PRIM2: variants seen among roughly 807,000 people sequenced by gnomAD.
PRIM2 encodes the protein DNA primase subunit 2.
PRIM2 carries 39 observed loss-of-function variants against 67.3 expected under a neutral mutation model. The observed-to-expected ratio is 0.58, with a 90% CI of 0.45 to 0.76. PRIM2 has a LOEUF of 0.76. PRIM2 is among the 30% of genes least tolerant of loss of function. The probability of loss-of-function intolerance (pLI) is 0.00; values close to 1 mark genes in which losing one functional copy is unlikely to be tolerated. For missense variants in PRIM2, 398 were observed against 598.7 expected (o/e 0.66, Z 3.50); for synonymous variants, 143 against 198.7 (o/e 0.72, Z 2.36).
rs1554347080 is a variant in PRIM2 at position 57,503,685 on chromosome 6, G to A, written c.694-3702G>A. On this transcript the variant is annotated intron_variant, in intron 7 of 13. Coordinates refer to ENST00000615550, the MANE Select transcript of PRIM2 (RefSeq NM_000947.5). Reference sequence around the variant, plus strand: ...AATTGCTTGAATGCGGGAGGCGGAGGTTGGAGGTTGCAGTGGGCCAAGATC... The same window carrying A: ...AATTGCTTGAATGCGGGAGGCGGAGATTGGAGGTTGCAGTGGGCCAAGATC... Among the ~76,000 whole-genome samples the A allele has an allele frequency of 9.4e-3, 1,433 of 152,102 alleles. 10 individuals carry two copies. Among genetic ancestry groups the A allele is most frequent in the Middle Eastern group, 0.037 (11 of 294 alleles).
chr6:57,387,289 A>C (rs1464322157), intron 7 of PRIM2, among the ~76,000 whole-genome samples: 1 of 152,178 alleles, frequency 6.6e-6, no homozygotes, highest in East Asian at 1.9e-4. Flanking sequence ...GTAAAATTTT[A>C]TTGAACTGAC....
chr6:57,482,795 C>A (rs1477840495), intron 7 of PRIM2, among the ~76,000 whole-genome samples: 1 of 152,090 alleles, frequency 6.6e-6, no homozygotes, highest in East Asian at 1.9e-4. Context: ...GATTAAATAC[C>A]TATTTTATAG....
chr6:57,297,395 T>C, the PRIM2 span, among the ~76,000 whole-genome samples: 1 of 152,030 alleles, frequency 6.6e-6, no homozygotes, highest in Non-Finnish European at 1.5e-5. Flanking sequence ...TGAGCCGAGA[T>C]CAAGATTGTG....
chr6:57,262,317 G>A, the PRIM2 span, among the ~76,000 whole-genome samples: 1 of 152,124 alleles, frequency 6.6e-6, no homozygotes, highest in Non-Finnish European at 1.5e-5. Flanking sequence ...TCATCTGCCA[G>A]TTGTCTTTTT....
At chr6:57,457,271 G>T (rs1474496339) in intron 7 of PRIM2, among the ~76,000 whole-genome samples, 2 of 152,224 alleles carry the variant, frequency 1.3e-5, no homozygotes, top group Non-Finnish European at 2.9e-5. Context: ...TCTGTTCTCA[G>T]ATCTCCAGCT....
At chr6:57,233,800 G>A in the PRIM2 span, among the ~76,000 whole-genome samples, 1 of 151,826 alleles carries the variant, frequency 6.6e-6, no homozygotes, top group East Asian at 1.9e-4. Context: ...GACCACAGGT[G>A]CACAGTACTA....
chr6:57,294,398 T>C, the PRIM2 span, among the ~76,000 whole-genome samples: 1 of 152,080 alleles, frequency 6.6e-6, no homozygotes, highest in Non-Finnish European at 1.5e-5. Context: ...GGAGAATCGC[T>C]TGAACCCAGG....
chr6:57,244,096 T>C, the PRIM2 span, among the ~76,000 whole-genome samples: 1 of 152,124 alleles, frequency 6.6e-6, no homozygotes, highest in African/African-American at 2.4e-5. Context: ...GCCTGTGACG[T>C]CTGAGTTTGG....
intron 12 of PRIM2, among the ~76,000 whole-genome samples, chr6:57,612,067 T>TA (rs1430250968): frequency 6.6e-6 from 1 of 152,048 alleles, no homozygotes; most frequent in African/African-American, 2.4e-5. Context: ...TGGTCTAATT[T>TA]AAAAAAATCT....
chr6:57,394,857 A>C (rs62415548), intron 7 of PRIM2, among the ~76,000 whole-genome samples: 73,416 of 151,814 alleles, frequency 0.48, 18,989 homozygotes, highest in South Asian at 0.62. Context: ...TTTTGTGGAG[A>C]GTTTTAATCA....
chr6:57,300,555 A>G, the PRIM2 span, among the ~76,000 whole-genome samples: 18 of 152,172 alleles, frequency 1.2e-4, 1 homozygote, highest in Non-Finnish European at 1.8e-4. Flanking sequence ...TGTGCCTTCT[A>G]GTTTGAACTC....
the PRIM2 span, among the ~76,000 whole-genome samples, chr6:57,251,755 C>T: frequency 6.6e-6 from 1 of 152,148 alleles, no homozygotes; most frequent in African/African-American, 2.4e-5. Flanking sequence ...AGAAAATCAT[C>T]CAGTCTTCTT....
chr6:57,286,031 C>T, the PRIM2 span, among the ~76,000 whole-genome samples: 1 of 152,052 alleles, frequency 6.6e-6, no homozygotes, highest in African/African-American at 2.4e-5. Flanking sequence ...AATAAAATAC[C>T]TAGGAATACA....
the PRIM2 span, among the ~76,000 whole-genome samples, chr6:57,278,106 C>T: frequency 1.3e-5 from 2 of 151,962 alleles, no homozygotes; most frequent in Non-Finnish European, 2.9e-5. Context: ...ATGGGCAGAT[C>T]ACTTCAAGTT....
rs1163580920 is a variant in PRIM2, at chr6:57,504,043, G to A, written c.694-3344G>A. Among the ~76,000 whole-genome samples, 3 of 152,326 alleles carry A rather than the reference G, an allele frequency of 2.0e-5. No individual in the cohort carries two copies. In the East Asian group the frequency reaches 5.8e-4, roughly 29 times the overall value. On this transcript the variant is annotated intron_variant, in intron 7 of 13. Coordinates refer to ENST00000615550, the MANE Select transcript of PRIM2 (RefSeq NM_000947.5). ...GGTGAGGGACTCAAAGGAGACAGAA[G>A]TGCTCTGAGATTAGGTGAAGGCTTC...
intron 7 of PRIM2, among the ~76,000 whole-genome samples, chr6:57,463,938 G>T (rs35824254): frequency 6.6e-6 from 1 of 152,054 alleles, no homozygotes; most frequent in African/African-American, 2.4e-5. Context: ...TCTTTTAGTT[G>T]CTGGAATGCT....
chr6:57,310,672 G>C (rs1049844934), upstream of PRIM2, among the ~76,000 whole-genome samples: 7 of 148,026 alleles, frequency 4.7e-5, no homozygotes, highest in Non-Finnish European at 9.0e-5. Context: ...CCTCCCAGAC[G>C]GGGCGGCCAG....
chr6:57,566,219 G>A (rs1175052190), intron 10 of PRIM2, among the ~76,000 whole-genome samples: 2 of 146,256 alleles, frequency 1.4e-5, no homozygotes, highest in South Asian at 2.1e-4. Context: ...AAAGACTTAC[G>A]TAGATTCAGG....
chr6:57,230,550 G>A, the PRIM2 span, among the ~76,000 whole-genome samples: 10 of 152,238 alleles, frequency 6.6e-5, 1 homozygote, highest in South Asian at 1.0e-3. Flanking sequence ...AGTTAGCATC[G>A]TTACAGGAAC....
Sources: gnomAD v4.1 joint callset for allele counts (sites outside exome capture counted in the v4.1 genomes callset) on GRCh38, gnomAD v4.1.1 for gene constraint, MANE v1.5 for transcripts, NCBI Gene and HGNC (gene_info 2026-07-23, HGNC 2026-07-21) for gene names.